The following ITPKA variants were observed in gnomAD, a reference collection of about 807,000 sequenced individuals.
The protein encoded by ITPKA is inositol-trisphosphate 3-kinase A, also known as IP3 3-kinase A.
ITPKA carries 16 observed loss-of-function variants against 40.7 expected under a neutral mutation model. The ratio of observed to expected loss-of-function variants is 0.39; its 90% CI spans 0.27 to 0.60. The LOEUF (loss-of-function observed/expected upper bound fraction) is 0.60. Ranked by LOEUF, ITPKA falls within the 20% of genes least tolerant of loss-of-function variation. The probability of loss-of-function intolerance (pLI) is 0.50; values close to 1 mark genes in which losing one functional copy is unlikely to be tolerated. For missense variants in ITPKA, 540 were observed against 649.3 expected (o/e 0.83, Z 1.83); for synonymous variants, 313 against 289.9 (o/e 1.08, Z -0.81).
At chr15:41,497,195 C>T (rs1278250263) in intron 1 of ITPKA, among the ~76,000 whole-genome samples, 1 of 152,194 alleles carries the variant, frequency 6.6e-6, no homozygotes, top group South Asian at 2.1e-4. Context: ...ATTAAAGTCT[C>T]TCACACAGTC....
At chr15:41,501,350 A>T in intron 1 of ITPKA, 113 bp from the exon 2 acceptor site, 1 of 1,497,992 alleles carries the variant, frequency 6.7e-7, no homozygotes, top group South Asian at 1.3e-5. Flanking sequence ...TGACTCATCC[A>T]GCCCCAGCTG....
Position 41,494,515 on chromosome 15 carries a change from C to A in ITPKA, c.489+99C>A. 1 of 815,134 alleles carries A rather than the reference C, an allele frequency of 1.2e-6. No homozygotes were observed. The highest frequency in any genetic ancestry group is 1.8e-6 in the Non-Finnish European group (1 of 565,148). The allele number at this position is 815,134 out of a possible 1,614,324, so 50.5% of individuals were successfully genotyped here. A position where few individuals can be genotyped will look rare whatever the true frequency, so the allele number is the denominator to read the frequency against. On this transcript the variant is annotated intron_variant, in intron 1 of 6. Transcript: ENST00000260386. The surrounding 1 kb of genome is among the most constrained non-coding windows in gnomAD (Gnocchi z 7.8). ...GACCCGCTCCTGTCCATGCTCCCTC[C>A]AGCGGAAGGTCCTGTTCTCGCGGTT...
rs1248247282 is a variant in ITPKA at position 41,494,434 on chromosome 15, G to A, written c.489+18G>A. 7.1e-7 allele frequency: 1 copy of A among 1,401,762 alleles called. No homozygotes were observed. Among genetic ancestry groups the A allele is most frequent in the Non-Finnish European group, 9.3e-7 (1 of 1,078,422 alleles). 86.8% of individuals were successfully genotyped at this position (1,401,762 alleles called of 1,614,324 possible). Reference sequence around the variant, plus strand: ...TGGGTCAGGTACGGGCCGCGGGGGCGGGGCCAGCGCCGGGCGCGGGGGCTG... The same window carrying A: ...TGGGTCAGGTACGGGCCGCGGGGGCAGGGCCAGCGCCGGGCGCGGGGGCTG... On this transcript the variant is annotated intron_variant, in intron 1 of 6. Coordinates refer to ENST00000260386, the MANE Select transcript of ITPKA (RefSeq NM_002220.3). This position sits in a 1 kb window ranked among gnomAD's most constrained non-coding sequence, Gnocchi z 7.8.
intron 4 of ITPKA, 93 bp downstream of exon 4, chr15:41,502,294 T>G (rs1214111384): frequency 1.9e-6 from 2 of 1,056,054 alleles, no homozygotes; most frequent in Non-Finnish European, 2.7e-6. Flanking sequence ...CCCTCCGCCC[T>G]CTCCCACCGC....
chr15:41,496,122 A>T (rs1489531564), intron 1 of ITPKA, among the ~76,000 whole-genome samples: 3 of 152,210 alleles, frequency 2.0e-5, no homozygotes, highest in African/African-American at 7.2e-5. Context: ...CAGATAAGCC[A>T]GGGGCTGTTG....
At chr15:41,500,160 C>G (rs2051100022) in intron 1 of ITPKA, among the ~76,000 whole-genome samples, 1 of 152,166 alleles carries the variant, frequency 6.6e-6, no homozygotes, top group African/African-American at 2.4e-5. Flanking sequence ...GGGGTTTCAC[C>G]ATGTTGGCTA....
chr15:41,497,195 C>G (rs1278250263), intron 1 of ITPKA, among the ~76,000 whole-genome samples: 1 of 152,194 alleles, frequency 6.6e-6, no homozygotes, highest in African/African-American at 2.4e-5. Context: ...ATTAAAGTCT[C>G]TCACACAGTC....
intron 1 of ITPKA, among the ~76,000 whole-genome samples, chr15:41,500,813 G>C (rs773710718): frequency 8.6e-5 from 13 of 151,958 alleles, no homozygotes; most frequent in Non-Finnish European, 1.9e-4. Context: ...TTGGAGACCA[G>C]CCTGACCAAT....
chr15:41,498,241 G>T (rs911610895), intron 1 of ITPKA, among the ~76,000 whole-genome samples: 1 of 151,528 alleles, frequency 6.6e-6, no homozygotes, highest in African/African-American at 2.4e-5. Flanking sequence ...TGGAAGTCCA[G>T]GATGCAGTTA....
Position 41,502,848 on chromosome 15 carries a change from A to C in ITPKA, c.1171A>C (p.Arg391=), listed in dbSNP as rs1180159902. 6.2e-7 allele frequency: 1 copy of C among 1,612,716 alleles called. No individual in the cohort carries two copies. The highest frequency in any genetic ancestry group is 8.5e-7 in the Non-Finnish European group (1 of 1,179,574). The change falls in exon 6 of 7, where the codon AGG becomes CGG. Residue 391 remains arginine, a synonymous_variant. Coordinates refer to ENST00000260386, the MANE Select transcript of ITPKA (RefSeq NM_002220.3). ...CACCCTGGAGGTATCCGAGTTCTTC[A>C]GGAGGCACGAGGTAAGCGGCGGCTG... ...RDTLEVSEFF[R]RHEVIGSSLL...
chr15:41,503,474 T>C lies in ITPKA; in HGVS notation c.*308T>C. ...CAGAGGTGCCAGACCGCGGATTTTATTTAGCAAGCCCAGACCTTCCGGTCT... is the reference window on the plus strand; with the variant it reads ...CAGAGGTGCCAGACCGCGGATTTTACTTAGCAAGCCCAGACCTTCCGGTCT... On this transcript the variant is annotated 3_prime_UTR_variant, in exon 7 of 7. Coordinates refer to ENST00000260386, the MANE Select transcript of ITPKA (RefSeq NM_002220.3). 1.6e-6 allele frequency: 1 copy of C among 623,286 alleles called. No individual in the cohort carries two copies. Among genetic ancestry groups the C allele is most frequent in the Non-Finnish European group, 3.0e-6 (1 of 330,382 alleles). 38.6% of individuals were successfully genotyped at this position (623,286 alleles called of 1,614,324 possible). A position where few individuals can be genotyped will look rare whatever the true frequency, so the allele number is the denominator to read the frequency against.
chr15:41,498,068 G>A (rs907924553), intron 1 of ITPKA, among the ~76,000 whole-genome samples: 35 of 151,996 alleles, frequency 2.3e-4, no homozygotes, highest in African/African-American at 8.0e-4. Context: ...CAGGAGAATC[G>A]CTCAAACCTG....
rs2051139112 is a variant in ITPKA, at chr15:41,503,378, A to AACTT, written c.*214_*217dup. ...AGCGTTCCCAGAGCCAAATGACACT[A>AACTT]ACTTATAGAAGGGGAGGGGGCAAAG... is the stretch of plus-strand genomic sequence containing the variant. On this transcript the variant is annotated 3_prime_UTR_variant, in exon 7 of 7. Transcript: ENST00000260386. 16 of 595,912 alleles carry AACTT rather than the reference A, an allele frequency of 2.7e-5. No individual in the cohort carries two copies. In the South Asian group the frequency reaches 3.2e-4, roughly 12 times the overall value. The allele number at this position is 595,912 out of a possible 1,614,324, so 36.9% of individuals were successfully genotyped here.
intron 1 of ITPKA, 138 bp from the exon 2 acceptor site, chr15:41,501,325 G>C: frequency 6.8e-7 from 1 of 1,469,622 alleles, no homozygotes; most frequent in South Asian, 1.4e-5. Context: ...TTCCCAGAGT[G>C]AATGAATGAA....
rs757455469 is a variant in ITPKA, at chr15:41,501,464, A to G, written c.491A>G (p.Lys164Arg). The G allele has an allele frequency of 2.5e-5, 41 of 1,608,178 alleles. No homozygotes were observed. Among genetic ancestry groups the G allele is most frequent in the Non-Finnish European group, 2.8e-5 (33 of 1,177,622 alleles). Residue 164 changes from lysine to arginine, a missense_variant and splice_region_variant, in exon 2 of 7, where the codon AAA becomes AGA. Coordinates refer to ENST00000260386, the MANE Select transcript of ITPKA (RefSeq NM_002220.3). ...AGACCTTGACCCTGTCGCTTTCAGA[A>G]AAACCACTGGCAGAAGATCCGGACC... Reference protein sequence around the residue: ...QLEAGEDVGQKNHWQKIRTMV... With the variant: ...QLEAGEDVGQRNHWQKIRTMV...
intron 1 of ITPKA, among the ~76,000 whole-genome samples, chr15:41,498,796 A>C (rs1382925558): frequency 6.6e-6 from 1 of 152,202 alleles, no homozygotes; most frequent in Non-Finnish European, 1.5e-5. Context: ...CCACGCACAA[A>C]GCACTTTCTC....
intron 1 of ITPKA, among the ~76,000 whole-genome samples, chr15:41,500,259 C>T (rs2051100793): frequency 6.6e-6 from 1 of 152,166 alleles, no homozygotes; most frequent in African/African-American, 2.4e-5. Context: ...TCGCCCAGCC[C>T]GGCATCTTAT....
intron 1 of ITPKA, among the ~76,000 whole-genome samples, chr15:41,498,090 T>G (rs529555303): frequency 1.1e-4 from 17 of 151,772 alleles, no homozygotes; most frequent in African/African-American, 3.9e-4. Context: ...AAGACAGAGG[T>G]AGCAGTGAGC....
Position 41,503,517 on chromosome 15 carries a change from C to G in ITPKA, c.*351C>G, listed in dbSNP as rs1039650786. ...TCCGGTCTAACGTCTCACACCACGACGGACTCCCCTTCCTAATAAAACTCA... is the reference window on the plus strand; with the variant it reads ...TCCGGTCTAACGTCTCACACCACGAGGGACTCCCCTTCCTAATAAAACTCA... On this transcript the variant is annotated 3_prime_UTR_variant, in exon 7 of 7. Coordinates refer to ENST00000260386, the MANE Select transcript of ITPKA (RefSeq NM_002220.3). 6 of 595,820 alleles carry G rather than the reference C, an allele frequency of 1.0e-5. No homozygotes were observed. Among genetic ancestry groups the G allele is most frequent in the Admixed American group, 5.6e-5 (3 of 53,698 alleles). The allele number at this position is 595,820 out of a possible 1,614,324, so 36.9% of individuals were successfully genotyped here. A position where few individuals can be genotyped will look rare whatever the true frequency, so the allele number is the denominator to read the frequency against.
Sources: gnomAD v4.1 joint callset for allele counts (sites outside exome capture counted in the v4.1 genomes callset) on GRCh38, gnomAD v4.1.1 for gene constraint, Gnocchi (gnomAD v3.1) non-coding constraint, MANE v1.5 for transcripts, NCBI Gene and HGNC (gene_info 2026-07-23, HGNC 2026-07-21) for gene names.